Variants in TSHZ1 observed in about 807,000 individuals in gnomAD.
TSHZ1 encodes the protein teashirt homolog 1.
Under a neutral mutation model 67.1 loss-of-function variants are expected in TSHZ1, and 12 were observed. The observed-to-expected ratio is 0.18, with a 90% confidence interval of 0.11 to 0.29. TSHZ1 has a LOEUF of 0.29. Among genes scored for constraint, TSHZ1 ranks in the 10% least tolerant of loss-of-function variants. TSHZ1 has a pLI of 1.00. For missense variants in TSHZ1, 1,305 were observed against 1,413.9 expected, an observed-to-expected ratio of 0.92 and a Z score of 1.23; for synonymous variants, 632 against 622.4, an observed-to-expected ratio of 1.02 and a Z score of -0.23.
intron 1 of TSHZ1, among the ~76,000 whole-genome samples, chr18:75,241,791 G>T (rs1187506614): frequency 6.6e-6 from 1 of 151,720 alleles, no homozygotes; most frequent in African/African-American, 2.4e-5. Context: ...GGCTCCAGAG[G>T]AGAATCCTTC....
chr18:75,220,813 A>G (rs1389687837), intron 1 of TSHZ1, among the ~76,000 whole-genome samples: 4 of 152,024 alleles, frequency 2.6e-5, no homozygotes, highest in Non-Finnish European at 4.4e-5. Context: ...TTTTCTTTCT[A>G]TGTCCATTGT....
At chr18:75,234,360 A>G (rs1486133823) in intron 1 of TSHZ1, among the ~76,000 whole-genome samples, 2 of 152,060 alleles carry the variant, frequency 1.3e-5, no homozygotes, top group Non-Finnish European at 2.9e-5. Context: ...TCTTGCTGCC[A>G]TCTTCTCTGG....
chr18:75,274,370 C>T lies in TSHZ1; in HGVS notation c.41-11078C>T, dbSNP rs148728617. ...TGGGGTGATGGTGGGGGGCTGGTGA[C>T]GCCAACGGTGAGGGTGTAGTGGAGA... is the stretch of plus-strand genomic sequence containing the variant. On this transcript the variant is annotated intron_variant, in intron 1 of 1. Transcript: ENST00000580243. Among the ~76,000 whole-genome samples the T allele has an allele frequency of 1.4e-3, 211 of 152,056 alleles. 1 individual carries two copies. The highest frequency in any genetic ancestry group is 4.9e-3 in the African/African-American group (202 of 41,456).
At chr18:75,271,140 A>G (rs1272334037) in intron 1 of TSHZ1, among the ~76,000 whole-genome samples, 1 of 152,188 alleles carries the variant, frequency 6.6e-6, no homozygotes, top group Non-Finnish European at 1.5e-5. Context: ...GTGTCTAGAG[A>G]CGTGGTTGCA....
intron 1 of TSHZ1, among the ~76,000 whole-genome samples, chr18:75,263,150 C>T (rs1436380926): frequency 6.6e-6 from 1 of 152,196 alleles, no homozygotes; most frequent in East Asian, 1.9e-4. Context: ...TTTGATTAAA[C>T]ATGTTACTTG....
intron 1 of TSHZ1, among the ~76,000 whole-genome samples, chr18:75,219,859 C>T (rs1010059412): frequency 9.9e-5 from 15 of 152,232 alleles, no homozygotes; most frequent in Non-Finnish European, 1.6e-4. Context: ...TGAAGGCACG[C>T]GTAGGTGTGC....
chr18:75,231,285 CA>C (rs1568354808), intron 1 of TSHZ1, among the ~76,000 whole-genome samples: 1 of 152,218 alleles, frequency 6.6e-6, no homozygotes, highest in Non-Finnish European at 1.5e-5. Context: ...GCCCTGGAGC[CA>C]GGCTGCCTTT....
chr18:75,222,151 G>T (rs1015328920), intron 1 of TSHZ1, among the ~76,000 whole-genome samples: 2 of 152,036 alleles, frequency 1.3e-5, no homozygotes, highest in Non-Finnish European at 2.9e-5. Flanking sequence ...TAGCGGCGTG[G>T]CTTGTGTGCT....
chr18:75,252,960 C>A (rs1309432533), intron 1 of TSHZ1, among the ~76,000 whole-genome samples: 6 of 152,066 alleles, frequency 3.9e-5, no homozygotes, highest in African/African-American at 1.4e-4. Context: ...TTTTGTCACA[C>A]CTTGGGTAAT....
At chr18:75,224,589 C>G (rs1054104448) in intron 1 of TSHZ1, among the ~76,000 whole-genome samples, 1 of 152,170 alleles carries the variant, frequency 6.6e-6, no homozygotes, top group Non-Finnish European at 1.5e-5. Flanking sequence ...TGATCCCCCC[C>G]TCCCCGCAAT....
chr18:75,234,597 T>G (rs956154041), intron 1 of TSHZ1, among the ~76,000 whole-genome samples: 1 of 151,912 alleles, frequency 6.6e-6, no homozygotes, highest in Non-Finnish European at 1.5e-5. Context: ...GGTTTTTTTT[T>G]CCCCCCATTA....
chr18:75,215,772 T>C (rs1469835170), intron 1 of TSHZ1, among the ~76,000 whole-genome samples: 1 of 152,244 alleles, frequency 6.6e-6, no homozygotes, highest in Non-Finnish European at 1.5e-5. Context: ...ACAATTTGTC[T>C]TAGTGGTGCC....
intron 1 of TSHZ1, among the ~76,000 whole-genome samples, chr18:75,215,570 G>A (rs1442674423): frequency 6.6e-6 from 1 of 152,206 alleles, no homozygotes; most frequent in African/African-American, 2.4e-5. Context: ...TTGAACAGAG[G>A]AGGGAAAATG....
rs777089250 is a variant in TSHZ1 at position 75,286,268 on chromosome 18, C to T, written c.861C>T (p.Ser287=). ...DKDSEKTKRW[S]KPRKRSLMEM... is the part of the protein sequence containing the mutation. Reference sequence around the variant, plus strand: ...ACTCCGAGAAGACCAAGAGGTGGTCCAAGCCCAGGAAGCGCTCCCTGATGG... The same window carrying T: ...ACTCCGAGAAGACCAAGAGGTGGTCTAAGCCCAGGAAGCGCTCCCTGATGG... Residue 287 remains serine, a synonymous_variant, in exon 2 of 2, where the codon TCC becomes TCT. Coordinates refer to ENST00000580243, the MANE Select transcript of TSHZ1 (RefSeq NM_001308210.2). This position sits in a 1 kb window ranked among gnomAD's most constrained non-coding sequence, Gnocchi z 5.1. 1.2e-6 allele frequency: 2 copies of T among 1,613,196 alleles called. No individual in the cohort carries two copies. The highest frequency in any genetic ancestry group is 2.2e-5 in the South Asian group (2 of 91,054).
At chr18:75,247,328 G>C (rs2023236464) in intron 1 of TSHZ1, among the ~76,000 whole-genome samples, 1 of 152,122 alleles carries the variant, frequency 6.6e-6, no homozygotes, top group African/African-American at 2.4e-5. Context: ...GCTCCTGCCA[G>C]GGGGGGCTGT....
At chr18:75,220,886 G>T (rs2022837189) in intron 1 of TSHZ1, among the ~76,000 whole-genome samples, 1 of 152,182 alleles carries the variant, frequency 6.6e-6, no homozygotes, top group South Asian at 2.1e-4. Flanking sequence ...AAGGAAAAAA[G>T]TCAAGAATCA....
chr18:75,245,269 G>A (rs2122556749), intron 1 of TSHZ1: 1 of 152,304 alleles, frequency 6.6e-6, no homozygotes, highest in South Asian at 2.1e-4. Flanking sequence ...CTCCACATTG[G>A]TATTTTTAGA....
At chr18:75,250,292 C>G (rs994921648) in intron 1 of TSHZ1, among the ~76,000 whole-genome samples, 3 of 152,214 alleles carry the variant, frequency 2.0e-5, no homozygotes, top group African/African-American at 7.2e-5. Flanking sequence ...ACTCTCCCAG[C>G]CTCCACGCTC....
chr18:75,212,112 G>T (rs1250235979), intron 1 of TSHZ1, among the ~76,000 whole-genome samples, 196 bp downstream of exon 1: 1 of 152,160 alleles, frequency 6.6e-6, no homozygotes, highest in Non-Finnish European at 1.5e-5. Context: ...GGGCCGGCGC[G>T]TGGAGCAGAG....
Sources: gnomAD v4.1 joint callset for allele counts (sites outside exome capture counted in the v4.1 genomes callset) on GRCh38, gnomAD v4.1.1 for gene constraint, Gnocchi (gnomAD v3.1) non-coding constraint, MANE v1.5 for transcripts, NCBI Gene and HGNC (gene_info 2026-07-23, HGNC 2026-07-21) for gene names.